ZC3H6: variants seen among roughly 807,000 people sequenced by gnomAD.
ZC3H6 encodes the protein zinc finger CCCH domain-containing protein 6.
ZC3H6 carries 40 observed loss-of-function variants against 107.7 expected under a neutral mutation model. The ratio of observed to expected loss-of-function variants is 0.37; its 90% CI spans 0.29 to 0.48. The LOEUF is 0.48. ZC3H6 is among the 20% of genes least tolerant of loss of function. The probability of loss-of-function intolerance (pLI) is 0.98; values close to 1 mark genes in which losing one functional copy is unlikely to be tolerated. For missense variants in ZC3H6, 1,267 were observed against 1,410.4 expected, an observed-to-expected ratio of 0.90 and a Z score of 1.63; for synonymous variants, 493 against 487.9, an observed-to-expected ratio of 1.01 and a Z score of -0.14.
intron 1 of ZC3H6, among the ~76,000 whole-genome samples, chr2:112,293,766 C>T (rs1395072684): frequency 6.6e-6 from 1 of 152,186 alleles, no homozygotes; most frequent in Non-Finnish European, 1.5e-5. Context: ...AAAGCCTAGA[C>T]TCAAATCAAG....
intron 8 of ZC3H6, 93 bp downstream of exon 8, chr2:112,321,958 G>A: frequency 1.9e-6 from 1 of 539,022 alleles, no homozygotes; most frequent in Non-Finnish European, 3.2e-6. Flanking sequence ...AAACTGCTGA[G>A]AAATTGAAAG....
chr2:112,308,328 A>C (rs1676516477), intron 3 of ZC3H6, among the ~76,000 whole-genome samples: 1 of 151,976 alleles, frequency 6.6e-6, no homozygotes, highest in South Asian at 2.1e-4. Flanking sequence ...ATAATTAGAA[A>C]GATCTAATAC....
intron 1 of ZC3H6, among the ~76,000 whole-genome samples, chr2:112,281,382 G>A (rs1199140696): frequency 2.0e-5 from 3 of 152,158 alleles, no homozygotes; most frequent in Admixed American, 2.0e-4. Context: ...GAGCTAATGG[G>A]GGATTAAACA....
At chr2:112,299,702 T>C in intron 1 of ZC3H6, 147 bp from the exon 2 acceptor site, 1 of 454,816 alleles carries the variant, frequency 2.2e-6, no homozygotes. Context: ...AAATATTTAC[T>C]ATCTGGGCCT....
chr2:112,299,018 C>T (rs543021404), intron 1 of ZC3H6, among the ~76,000 whole-genome samples: 1 of 152,134 alleles, frequency 6.6e-6, no homozygotes, highest in South Asian at 2.1e-4. Context: ...TGGCTCACAC[C>T]TGTAATCCCA....
chr2:112,284,197 A>G (rs1167483416), intron 1 of ZC3H6, among the ~76,000 whole-genome samples: 1 of 152,246 alleles, frequency 6.6e-6, no homozygotes, highest in East Asian at 1.9e-4. Flanking sequence ...TGTTAGACCC[A>G]TAAGGGAGGC....
chr2:112,278,099 A>G (rs922855017), intron 1 of ZC3H6, among the ~76,000 whole-genome samples: 6 of 152,190 alleles, frequency 3.9e-5, no homozygotes, highest in Admixed American at 3.3e-4. Context: ...TTCTGCCCAG[A>G]GCAACTGAAT....
At chr2:112,306,872 C>CT (rs1676486851) in intron 3 of ZC3H6, among the ~76,000 whole-genome samples, 1 of 152,184 alleles carries the variant, frequency 6.6e-6, no homozygotes, top group Non-Finnish European at 1.5e-5. Flanking sequence ...TGTTGGATCT[C>CT]TCACCTGGTT....
In ZC3H6 at chr2:112,325,008, G is replaced by T. The variant is rs1343536110; in HGVS notation, c.1897G>T (p.Val633Phe). 2 of 1,612,140 alleles carry T rather than the reference G, an allele frequency of 1.2e-6. No homozygotes were observed. The highest frequency in any genetic ancestry group is 1.7e-6 in the Non-Finnish European group (2 of 1,179,128). ...GEFAQQQPPV[V>F]QDSPNHGSGS... ...ATTTGCCCAGCAGCAGCCTCCTGTT[G>T]TTCAAGACTCACCTAACCATGGGAG... Residue 633 changes from valine to phenylalanine, a missense_variant, in exon 11 of 12, where the codon GTT (valine) becomes TTT (phenylalanine). Coordinates refer to ENST00000409871, the MANE Select transcript of ZC3H6 (RefSeq NM_198581.3).
chr2:112,316,527 A>T lies in ZC3H6; in HGVS notation c.805A>T (p.Thr269Ser). The change falls in exon 6 of 12, where the codon ACA becomes TCA. Residue 269 changes from threonine to serine, a missense_variant. Physicochemically the swap from Thr to Ser is moderately conservative, Grantham distance 58. Transcript: ENST00000409871. ...VMTQEFINQHTVEHKGKQICK... is the reference protein window; with the variant it reads ...VMTQEFINQHSVEHKGKQICK... ...GACTCAGGAATTTATTAATCAGCACACAGTGGAACACAAAGGAAAACAAAT... is the reference window on the plus strand; with the variant it reads ...GACTCAGGAATTTATTAATCAGCACTCAGTGGAACACAAAGGAAAACAAAT... 1 of 1,611,104 alleles carries T rather than the reference A, an allele frequency of 6.2e-7. No individual in the cohort carries two copies. The highest frequency in any genetic ancestry group is 1.7e-5 in the Admixed American group (1 of 59,418).
At chr2:112,282,610 C>G (rs1431890468) in intron 1 of ZC3H6, among the ~76,000 whole-genome samples, 2 of 152,148 alleles carry the variant, frequency 1.3e-5, no homozygotes, top group Non-Finnish European at 2.9e-5. Context: ...TAACCTGACT[C>G]CAGAGCCCAC....
At chr2:112,282,301 C>T (rs891423127) in intron 1 of ZC3H6, among the ~76,000 whole-genome samples, 3 of 152,274 alleles carry the variant, frequency 2.0e-5, no homozygotes, top group Non-Finnish European at 2.9e-5. Flanking sequence ...TTGATGCCCC[C>T]GGAGTTGTGA....
intron 1 of ZC3H6, among the ~76,000 whole-genome samples, chr2:112,278,212 A>G (rs1283875852): frequency 1.3e-5 from 2 of 152,262 alleles, no homozygotes; most frequent in Non-Finnish European, 2.9e-5. Context: ...GTATCTTTCC[A>G]TATAATAGCT....
chr2:112,326,106 T>A (rs2104723794), intron 11 of ZC3H6, among the ~76,000 whole-genome samples: 1 of 152,244 alleles, frequency 6.6e-6, no homozygotes, highest in Non-Finnish European at 1.5e-5. Context: ...GTATATATAT[T>A]TATGGAGTAC....
chr2:112,326,687 A>G (rs1426520249), intron 11 of ZC3H6, among the ~76,000 whole-genome samples: 1 of 152,122 alleles, frequency 6.6e-6, no homozygotes, highest in Non-Finnish European at 1.5e-5. Flanking sequence ...ATCTCGGCTC[A>G]CTGCAACCTC....
At chr2:112,288,886 A>G (rs558569183) in intron 1 of ZC3H6, among the ~76,000 whole-genome samples, 2 of 152,242 alleles carry the variant, frequency 1.3e-5, no homozygotes, top group Admixed American at 6.5e-5. Flanking sequence ...CTACCTCACT[A>G]TATTCCACTC....
At chr2:112,283,324 C>T (rs1037692878) in intron 1 of ZC3H6, among the ~76,000 whole-genome samples, 1 of 152,110 alleles carries the variant, frequency 6.6e-6, no homozygotes, top group Non-Finnish European at 1.5e-5. Context: ...TTTTGTTTTT[C>T]TTTATTTGTA....
chr2:112,305,119 C>G (rs1042818817), intron 3 of ZC3H6, among the ~76,000 whole-genome samples: 1 of 152,114 alleles, frequency 6.6e-6, no homozygotes, highest in Non-Finnish European at 1.5e-5. Flanking sequence ...ATTTTTACCA[C>G]AAGTGACAAA....
chr2:112,301,445 T>C (rs1422678238), intron 2 of ZC3H6, among the ~76,000 whole-genome samples: 1 of 152,186 alleles, frequency 6.6e-6, no homozygotes, highest in African/African-American at 2.4e-5. Context: ...AAAATAGCCA[T>C]ATTTTTGAAT....
Sources: allele counts gnomAD v4.1 joint callset (sites outside exome capture counted in the v4.1 genomes callset), GRCh38; gene constraint gnomAD v4.1.1; transcripts MANE v1.5; gene names NCBI Gene and HGNC (gene_info 2026-07-23, HGNC 2026-07-21).